OR10K1: variants seen among roughly 807,000 people sequenced by gnomAD.
OR10K1 encodes olfactory receptor family 10 subfamily K member 1.
For synonymous variants in OR10K1, 186 were observed against 152.5 expected (o/e 1.22, Z -1.62); for missense variants, 404 against 373.3 (o/e 1.08, Z -0.68).
intron 1 of OR10K1, among the ~76,000 whole-genome samples, chr1:158,462,692 T>A (rs1655950649): frequency 6.6e-6 from 1 of 152,218 alleles, no homozygotes; most frequent in African/African-American, 2.4e-5. Context: ...TTCTCTCAGC[T>A]AACTGATTGA....
Position 158,466,360 on chromosome 1 carries a change from A to G in OR10K1, c.799A>G (p.Thr267Ala). Residue 267 changes from threonine to alanine, a missense_variant, in exon 2 of 2, where the codon ACT (threonine) becomes GCT (alanine). Coordinates refer to ENST00000641535, the MANE Select transcript of OR10K1 (RefSeq NM_001004473.2). ...FIYLRPKTNYTSSQDTLISVS... is the reference protein window; with the variant it reads ...FIYLRPKTNYASSQDTLISVS... ...CTACTTAAGGCCCAAGACTAATTACACTTCAAGCCAAGACACCCTAATATC... is the reference window on the plus strand; with the variant it reads ...CTACTTAAGGCCCAAGACTAATTACGCTTCAAGCCAAGACACCCTAATATC... 1.2e-6 allele frequency: 2 copies of G among 1,613,960 alleles called. No homozygotes were observed. The highest frequency in any genetic ancestry group is 1.7e-6 in the Non-Finnish European group (2 of 1,179,948).
Position 158,466,031 on chromosome 1 carries a change from T to C in OR10K1, c.470T>C (p.Leu157Pro). The C allele has an allele frequency of 1.2e-6, 2 of 1,614,130 alleles. No individual in the cohort carries two copies. Among genetic ancestry groups the C allele is most frequent in the Non-Finnish European group, 8.5e-7 (1 of 1,180,010 alleles). The change falls in exon 2 of 2, where the codon CTG (leucine) becomes CCG (proline). Residue 157 changes from leucine (L) to proline (P), a missense_variant. Coordinates refer to ENST00000641535, the MANE Select transcript of OR10K1 (RefSeq NM_001004473.2). ...AACACGFTVSLVTTSLVFHLP... is the reference protein window; with the variant it reads ...AACACGFTVSPVTTSLVFHLP... ...TGTGCCTGTGGCTTCACTGTCTCCC[T>C]GGTCACCACCTCCCTAGTATTTCAT...
intron 1 of OR10K1, among the ~76,000 whole-genome samples, chr1:158,462,487 C>T (rs1401053603): frequency 6.6e-6 from 1 of 151,530 alleles, no homozygotes; most frequent in Non-Finnish European, 1.5e-5. Context: ...GAAACAGATA[C>T]TCCACTTGTC....
Position 158,466,433 on chromosome 1 carries a change from G to A in OR10K1, c.872G>A (p.Ser291Asn), listed in dbSNP as rs1356863076. 4 of 1,613,894 alleles carry A rather than the reference G, an allele frequency of 2.5e-6. No individual in the cohort carries two copies. The highest frequency in any genetic ancestry group is 2.2e-5 in the East Asian group (1 of 44,890). Reference protein sequence around the residue: ...LTPLFNPMIYSLRNKEFKSAL... With the variant: ...LTPLFNPMIYNLRNKEFKSAL... ...CCATTGTTCAATCCAATGATTTATA[G>A]TCTGAGAAATAAGGAATTCAAATCA... is the stretch of plus-strand genomic sequence containing the variant. The change falls in exon 2 of 2, where the codon AGT becomes AAT. Residue 291 changes from serine (S) to asparagine (N), a missense_variant. Transcript: ENST00000641535.
Position 158,466,703 on chromosome 1 carries a change from C to G in OR10K1, c.*200C>G. 1.7e-6 allele frequency: 1 copy of G among 571,836 alleles called. No individual in the cohort carries two copies. The highest frequency in any genetic ancestry group is 2.2e-5 in the South Asian group (1 of 45,270). The allele number at this position is 571,836 out of a possible 1,614,324, so 35.4% of individuals were successfully genotyped here. ...TAACAAGACTAATCAGATATGGGAA[C>G]AGAGCACACAGTTCCATAACAAATT... is the stretch of plus-strand genomic sequence containing the variant. On this transcript the variant is annotated 3_prime_UTR_variant, in exon 2 of 2. Transcript: ENST00000641535.
intron 1 of OR10K1, 73 bp from the exon 2 acceptor site, chr1:158,465,333 C>A: frequency 1.8e-6 from 1 of 570,922 alleles, no homozygotes; most frequent in East Asian, 2.9e-5. Context: ...ATAACCTGTT[C>A]TTCACATTAG....
chr1:158,465,819 G>C lies in OR10K1; in HGVS notation c.258G>C (p.Leu86=), dbSNP rs1029618237. The change falls in exon 2 of 2, where the codon CTG becomes CTC. Residue 86 remains leucine, a synonymous_variant. Coordinates refer to ENST00000641535, the MANE Select transcript of OR10K1 (RefSeq NM_001004473.2). The stretch of plus-strand genomic sequence containing the variant: ...TACCCAAGATGCTGGTTGACCTGCT[G>C]TCCCAGAAGAAGACCATTTCTTTCC... ...VIVPKMLVDL[L]SQKKTISFLG... The C allele has an allele frequency of 2.5e-6, 4 of 1,614,166 alleles. No homozygotes were observed. The highest frequency in any genetic ancestry group is 3.4e-6 in the Non-Finnish European group (4 of 1,180,038).
At chr1:158,465,189 A>C (rs1177046367) in intron 1 of OR10K1, among the ~76,000 whole-genome samples, 1 of 152,192 alleles carries the variant, frequency 6.6e-6, no homozygotes, top group African/African-American at 2.4e-5. Context: ...GATCAGCTTC[A>C]GGTAGCTGAA....
intron 1 of OR10K1, among the ~76,000 whole-genome samples, chr1:158,464,459 GCT>G (rs1655990927): frequency 1.3e-5 from 2 of 152,086 alleles, no homozygotes; most frequent in African/African-American, 4.8e-5. Context: ...TCTGTAGCAA[GCT>G]CTGTCATTTC....
rs58422095 is a variant in OR10K1, at chr1:158,464,350, C to A, written c.-156-1056C>A. On this transcript the variant is annotated intron_variant, in intron 1 of 1. Transcript: ENST00000641535. Reference sequence around the variant, plus strand: ...TAGTGGCAGAATGTTCAAAAGAAATCTTATTAACATAACAACATACAAAAG... The same window carrying A: ...TAGTGGCAGAATGTTCAAAAGAAATATTATTAACATAACAACATACAAAAG... 9.2e-3 allele frequency among the ~76,000 whole-genome samples: 1,406 copies of A among 152,190 alleles called. 16 individuals carry two copies. The highest frequency in any genetic ancestry group is 0.032 in the African/African-American group (1,344 of 41,528).
In OR10K1 at chr1:158,465,926, G is replaced by A. The variant is rs199525511; in HGVS notation, c.365G>A (p.Arg122His). The change falls in exon 2 of 2, where the codon CGC becomes CAC. Residue 122 changes from arginine to histidine, a missense_variant. By Grantham distance (29) the Arg-to-His change is conservative. Transcript: ENST00000641535. ...SFLLAAMGYD[R>H]YMAICNPLRY... is the part of the protein sequence containing the mutation. ...CTGCTGGCAGCCATGGGCTATGATCGCTATATGGCCATCTGTAACCCACTG... is the reference window on the plus strand; with the variant it reads ...CTGCTGGCAGCCATGGGCTATGATCACTATATGGCCATCTGTAACCCACTG... 531 of 1,613,940 alleles carry A rather than the reference G, an allele frequency of 3.3e-4. No individual in the cohort carries two copies. Among genetic ancestry groups the A allele is most frequent in the Non-Finnish European group, 3.9e-4 (457 of 1,180,010 alleles).
intron 1 of OR10K1, among the ~76,000 whole-genome samples, chr1:158,464,120 A>G (rs1038739095): frequency 1.3e-5 from 2 of 152,196 alleles, no homozygotes; most frequent in African/African-American, 4.8e-5. Flanking sequence ...GCAGATGCCA[A>G]TAATTTCCCA....
chr1:158,463,045 T>G (rs1655958848), intron 1 of OR10K1, among the ~76,000 whole-genome samples: 1 of 152,132 alleles, frequency 6.6e-6, no homozygotes, highest in South Asian at 2.1e-4. Flanking sequence ...CTCTGTAAAA[T>G]GTTCAGGGAT....
intron 1 of OR10K1, among the ~76,000 whole-genome samples, chr1:158,465,138 G>A (rs1052936624): frequency 1.3e-5 from 2 of 152,182 alleles, no homozygotes; most frequent in Non-Finnish European, 2.9e-5. Context: ...AAGTCCACAT[G>A]ATTATGTCTG....
chr1:158,463,839 A>G (rs1052480273), intron 1 of OR10K1, among the ~76,000 whole-genome samples: 5 of 152,170 alleles, frequency 3.3e-5, no homozygotes, highest in Non-Finnish European at 7.4e-5. Flanking sequence ...ACAAATATCA[A>G]TGGAGGTATA....
chr1:158,465,430 G>A lies in OR10K1; in HGVS notation c.-132G>A. ...GCAGGCATTTTAATGGGGGAATGAAGAATTCCATCAAATATCTGGAAATGC... is the reference window on the plus strand; with the variant it reads ...GCAGGCATTTTAATGGGGGAATGAAAAATTCCATCAAATATCTGGAAATGC... On this transcript the variant is annotated 5_prime_UTR_variant, in exon 2 of 2. Coordinates refer to ENST00000641535, the MANE Select transcript of OR10K1 (RefSeq NM_001004473.2). The A allele has an allele frequency of 1.4e-6, 1 of 696,126 alleles. No individual in the cohort carries two copies. The highest frequency in any genetic ancestry group is 2.4e-6 in the Non-Finnish European group (1 of 412,576). The allele number at this position is 696,126 out of a possible 1,614,324, so 43.1% of individuals were successfully genotyped here. A position where few individuals can be genotyped will look rare whatever the true frequency, so the allele number is the denominator to read the frequency against.
At position 158,466,395 on chromosome 1, in the gene OR10K1, C is replaced by A; in HGVS notation, c.834C>A (p.Tyr278Ter). 1.2e-6 allele frequency: 2 copies of A among 1,613,490 alleles called. No individual in the cohort carries two copies. The highest frequency in any genetic ancestry group is 1.7e-6 in the Non-Finnish European group (2 of 1,179,514). Reference sequence around the variant, plus strand: ...AAGACACCCTAATATCTGTGTCATACACCATCCTTACCCCATTGTTCAATC... The same window carrying A: ...AAGACACCCTAATATCTGTGTCATAAACCATCCTTACCCCATTGTTCAATC... ...SSQDTLISVS[Y>*]TILTPLFNPM... The change falls in exon 2 of 2, where the codon TAC (tyrosine) becomes TAA (stop). Residue 278 changes from tyrosine (Y) to a stop codon, truncating the protein, a stop_gained. Transcript: ENST00000641535. LOFTEE classifies it low-confidence loss of function (END_TRUNC).
At chr1:158,462,095 C>T (rs545267774) in intron 1 of OR10K1, among the ~76,000 whole-genome samples, 191 bp downstream of exon 1, 38 of 152,088 alleles carry the variant, frequency 2.5e-4, no homozygotes, top group Admixed American at 2.0e-3. Context: ...ACCTGGCCAA[C>T]ATGATGAAAC....
rs1243420279 is a variant in OR10K1 at position 158,465,754 on chromosome 1, A to G, written c.193A>G (p.Ile65Val). Residue 65 changes from isoleucine (I) to valine (V), a missense_variant, in exon 2 of 2, where the codon ATC (isoleucine) becomes GTC (valine). Coordinates refer to ENST00000641535, the MANE Select transcript of OR10K1 (RefSeq NM_001004473.2). The part of the protein sequence containing the change: ...LHTPMYFFLA[I>V]LSCSEICYTF... ...TACTCCCATGTACTTCTTCCTTGCC[A>G]TCCTTTCTTGCTCTGAGATTTGCTA... is the stretch of plus-strand genomic sequence containing the variant. 1 of 1,614,116 alleles carries G rather than the reference A, an allele frequency of 6.2e-7. No individual in the cohort carries two copies.
Sources: allele counts gnomAD v4.1 joint callset (sites outside exome capture counted in the v4.1 genomes callset), GRCh38; gene constraint gnomAD v4.1.1; transcripts MANE v1.5; gene names NCBI Gene and HGNC (gene_info 2026-07-23, HGNC 2026-07-21).